MICAL2: variants seen among roughly 807,000 people sequenced by gnomAD.
MICAL2 encodes the protein microtubule associated monooxygenase, calponin and LIM domain containing 2.
A neutral mutation model predicts 127.3 loss-of-function variants in MICAL2; 77 were observed. The ratio of observed to expected loss-of-function variants is 0.60; its 90% CI spans 0.50 to 0.73. The LOEUF is 0.73. Ranked by LOEUF, MICAL2 falls within the 30% of genes least tolerant of loss-of-function variation. The pLI is 0.00. For synonymous variants in MICAL2, 570 were observed against 551.1 expected (o/e 1.03, Z -0.48); for missense variants, 1,351 against 1,434.4 (o/e 0.94, Z 0.94).
Position 12,300,384 on chromosome 11 carries a change from C to A in MICAL2, c.5212+5527C>A, listed in dbSNP as rs532092158. ...CCCATGATTAAGTTAGGGGATTGTGCAAATATAGTTAAGCCCCAAAACAAT... is the reference window on the plus strand; with the variant it reads ...CCCATGATTAAGTTAGGGGATTGTGAAAATATAGTTAAGCCCCAAAACAAT... On this transcript the variant is annotated intron_variant, in intron 29 of 34. Transcript: ENST00000646065. Among the ~76,000 whole-genome samples the A allele has an allele frequency of 6.6e-5, 10 of 151,292 alleles. 1 individual carries two copies. The highest frequency in any genetic ancestry group is 2.2e-4 in the African/African-American group (9 of 40,970).
chr11:12,358,251 G>A (rs1002995302), intron 34 of MICAL2: 3 of 1,588,328 alleles, frequency 1.9e-6, no homozygotes, highest in Admixed American at 1.7e-5. Flanking sequence ...CTCTGCCGGG[G>A]CCCAATCTTC....
intron 15 of MICAL2, among the ~76,000 whole-genome samples, chr11:12,232,139 CT>C (rs1858375884): frequency 6.6e-6 from 1 of 152,152 alleles, no homozygotes; most frequent in South Asian, 2.1e-4. Flanking sequence ...AGTTCTTTTC[CT>C]TTAGAAATGA....
rs1265828879 is a variant in MICAL2, at chr11:12,204,606, T to G, written c.472+149T>G. On this transcript the variant is annotated intron_variant, in intron 4 of 27. Transcript: ENST00000683283. ...ACTAACAGACAACTAGTAAAAGGCC[T>G]GCTTTGTGCCTTGTTCTGGGCCCTG... 5.2e-6 allele frequency: 4 copies of G among 763,490 alleles called. No individual in the cohort carries two copies. In the South Asian group the frequency reaches 7.3e-5, roughly 14 times the overall value. 47.3% of individuals were successfully genotyped at this position (763,490 alleles called of 1,614,324 possible). A position where few individuals can be genotyped will look rare whatever the true frequency, so the allele number is the denominator to read the frequency against.
At position 12,206,612 on chromosome 11, in the gene MICAL2, A is replaced by G. The variant is rs1193208724; in HGVS notation, c.473-1411A>G. Among the ~76,000 whole-genome samples, 3 of 152,090 alleles carry G rather than the reference A, an allele frequency of 2.0e-5. No individual in the cohort carries two copies. The East Asian group carries it at 5.8e-4, about 29-fold the overall frequency. Reference sequence around the variant, plus strand: ...CCACATCTCTAGCCTCAGCTGCACCATCATACTCAGCACTGCTCAGCAGTT... The same window carrying G: ...CCACATCTCTAGCCTCAGCTGCACCGTCATACTCAGCACTGCTCAGCAGTT... On this transcript the variant is annotated intron_variant, in intron 4 of 27. Transcript: ENST00000683283.
chr11:12,139,895 C>T (rs763882548), intron 2 of MICAL2, among the ~76,000 whole-genome samples: 1 of 152,194 alleles, frequency 6.6e-6, no homozygotes, highest in South Asian at 2.1e-4. Context: ...GTTGAACACA[C>T]GTGCTGTTCT....
chr11:12,340,682 C>G (rs985179817), intron 32 of MICAL2, among the ~76,000 whole-genome samples: 1 of 152,064 alleles, frequency 6.6e-6, no homozygotes, highest in African/African-American at 2.4e-5. Context: ...AGTCATACAA[C>G]CGAATGTTAT....
In MICAL2 at chr11:12,220,414, G is replaced by A. The variant is rs770877335; in HGVS notation, c.1162G>A (p.Ala388Thr). 1.2e-6 allele frequency: 2 copies of A among 1,613,082 alleles called. No homozygotes were observed. The highest frequency in any genetic ancestry group is 1.7e-5 in the Admixed American group (1 of 60,030). The change falls in exon 9 of 28, where the codon GCG (alanine) becomes ACG (threonine). Residue 388 changes from alanine (A) to threonine (T), a missense_variant. Ala to Thr is a moderately conservative substitution (Grantham distance 58). Transcript: ENST00000683283. ...CGCGGCCCTGGTGCGGGAGCGGCAGGCGCACCAGCTGCTCGTGGCCCTTGT... is the reference window on the plus strand; with the variant it reads ...CGCGGCCCTGGTGCGGGAGCGGCAGACGCACCAGCTGCTCGTGGCCCTTGT... Reference protein sequence around the residue: ...ENAALVRERQAHQLLVALVGD... With the variant: ...ENAALVRERQTHQLLVALVGD...
chr11:12,262,053 C>T, intron 26 of MICAL2: 1 of 1,067,392 alleles, frequency 9.4e-7, no homozygotes, highest in Non-Finnish European at 1.1e-6. Flanking sequence ...GTTTGAATTA[C>T]TGTGGCGAGA....
At chr11:12,117,598 A>G (rs1289412385) in intron 1 of MICAL2, among the ~76,000 whole-genome samples, 5 of 152,190 alleles carry the variant, frequency 3.3e-5, no homozygotes, top group Admixed American at 3.3e-4. Context: ...CACTAACAAG[A>G]GCTGCCCTCT....
chr11:12,144,957 C>T lies in MICAL2; in HGVS notation c.-78+6497C>T, dbSNP rs186928331. On this transcript the variant is annotated intron_variant, in intron 2 of 27. Transcript: ENST00000683283. Reference sequence around the variant, plus strand: ...AGGACTGGGTCAAAACTGTCCTGATCTTTCACTTCTGTTCAGATGTCTGAA... The same window carrying T: ...AGGACTGGGTCAAAACTGTCCTGATTTTTCACTTCTGTTCAGATGTCTGAA... Among the ~76,000 whole-genome samples the T allele has an allele frequency of 3.8e-3, 582 of 152,330 alleles. 1 individual carries two copies. The highest frequency in any genetic ancestry group is 5.7e-3 in the Non-Finnish European group (388 of 68,040).
chr11:12,204,839 G>A (rs1256949251), intron 4 of MICAL2, among the ~76,000 whole-genome samples: 2 of 152,194 alleles, frequency 1.3e-5, no homozygotes, highest in East Asian at 3.8e-4. Flanking sequence ...GATTTTGTTG[G>A]TGGTAATGTG....
At chr11:12,273,221 G>T (rs1026276257), upstream of MICAL2, among the ~76,000 whole-genome samples, 2 of 152,202 alleles carry the variant, frequency 1.3e-5, no homozygotes, top group Admixed American at 6.5e-5. Context: ...GCAGGAAAAT[G>T]GGGGTAATAA....
chr11:12,294,976 G>A, downstream of MICAL2: 3 of 1,313,804 alleles, frequency 2.3e-6, no homozygotes, highest in South Asian at 2.5e-5. Context: ...AACAAAAGTA[G>A]GAAAACTTTA....
intron 32 of MICAL2, among the ~76,000 whole-genome samples, chr11:12,330,575 G>A (rs1042374490): frequency 3.3e-5 from 5 of 152,042 alleles, no homozygotes; most frequent in Non-Finnish European, 7.4e-5. Context: ...CGGGATGGAG[G>A]GCAATGATGG....
At chr11:12,200,148 G>A (rs534932523) in intron 3 of MICAL2, among the ~76,000 whole-genome samples, 7 of 152,348 alleles carry the variant, frequency 4.6e-5, no homozygotes, top group Middle Eastern at 3.4e-3. Flanking sequence ...GAGGACAGGG[G>A]CAGCCTTAGA....
chr11:12,168,079 A>T (rs148620074), intron 3 of MICAL2, among the ~76,000 whole-genome samples: 1 of 151,780 alleles, frequency 6.6e-6, no homozygotes, highest in African/African-American at 2.4e-5. Context: ...AGCTGGGAGG[A>T]ATGCTCAGGG....
chr11:12,233,343 G>T (rs537853836), intron 15 of MICAL2, among the ~76,000 whole-genome samples: 10 of 152,336 alleles, frequency 6.6e-5, no homozygotes, highest in Non-Finnish European at 1.2e-4. Flanking sequence ...TGAAGAAAGA[G>T]CTCTCTTGCT....
intron 3 of MICAL2, among the ~76,000 whole-genome samples, chr11:12,200,550 G>C (rs1055210425): frequency 1.4e-4 from 22 of 152,292 alleles, no homozygotes; most frequent in African/African-American, 5.1e-4. Flanking sequence ...ACCTGACTTG[G>C]CCCCTGCCAA....
chr11:12,294,095 C>T (rs75952256), downstream of MICAL2: 9,420 of 1,614,016 alleles, frequency 5.8e-3, 45 homozygotes, highest in Middle Eastern at 7.3e-3. Flanking sequence ...TAGAGGAGGC[C>T]GTGTGCTAAA....
Sources: allele counts gnomAD v4.1 joint callset (sites outside exome capture counted in the v4.1 genomes callset), GRCh38; gene constraint gnomAD v4.1.1; transcripts MANE v1.5; gene names NCBI Gene and HGNC (gene_info 2026-07-23, HGNC 2026-07-21).